The following PDGFD variants were observed in gnomAD, a reference collection of about 807,000 sequenced individuals.
The protein encoded by PDGFD is platelet derived growth factor D, also known as platelet-derived growth factor D.
In PDGFD, 30 loss-of-function variants were observed where a neutral mutation model predicts 44.7. The ratio of observed to expected loss-of-function variants is 0.67; its 90% confidence interval spans 0.50 to 0.91. PDGFD has a LOEUF of 0.91. Ranked by LOEUF, PDGFD falls within the 40% of genes least tolerant of loss-of-function variation. The probability of loss-of-function intolerance (pLI) is 0.00; values close to 1 mark genes in which losing one functional copy is unlikely to be tolerated. For synonymous variants in PDGFD, 173 were observed against 168.4 expected, an observed-to-expected ratio of 1.03 and a Z score of -0.21; for missense variants, 445 against 457.8, an observed-to-expected ratio of 0.97 and a Z score of 0.25.
rs964815491 is a variant in PDGFD at position 104,164,098 on chromosome 11, G to A, written c.-171C>T. ...AAACTTCCTGCATGCTGAACTTTCC[G>A]AGCGCGTGTGGGTGCCGCACTTCCT... is the stretch of plus-strand genomic sequence containing the variant. On this transcript the variant is annotated 5_prime_UTR_variant, in exon 1 of 7. Coordinates refer to ENST00000393158, the MANE Select transcript of PDGFD (RefSeq NM_025208.5). 51 of 583,514 alleles carry A rather than the reference G, an allele frequency of 8.7e-5. No individual in the cohort carries two copies. Among genetic ancestry groups the A allele is most frequent in the Admixed American group, 1.4e-4 (4 of 28,744 alleles). The allele number at this position is 583,514 out of a possible 1,614,324, so 36.1% of individuals were successfully genotyped here. A position where few individuals can be genotyped will look rare whatever the true frequency, so the allele number is the denominator to read the frequency against.
At chr11:104,125,155 T>C (rs1861824307) in intron 1 of PDGFD, among the ~76,000 whole-genome samples, 1 of 152,140 alleles carries the variant, frequency 6.6e-6, no homozygotes, top group Non-Finnish European at 1.5e-5. Context: ...AGTAATATGT[T>C]AGTAATGAGC....
At chr11:103,950,101 G>C (rs1036142983) in intron 3 of PDGFD, among the ~76,000 whole-genome samples, 1 of 152,168 alleles carries the variant, frequency 6.6e-6, no homozygotes, top group Non-Finnish European at 1.5e-5. Flanking sequence ...ATGTGACCTT[G>C]AGATATAGAT....
At position 103,965,429 on chromosome 11, in the gene PDGFD, T is replaced by A. The variant is rs75910761; in HGVS notation, c.511-17705A>T. Reference sequence around the variant, plus strand: ...CAAAAGTGGTCAGCCAGGTGCTGTATCTTTATTTTCAGCTGCCAAAGCTCT... The same window carrying A: ...CAAAAGTGGTCAGCCAGGTGCTGTAACTTTATTTTCAGCTGCCAAAGCTCT... On this transcript the variant is annotated intron_variant, in intron 3 of 6. Coordinates refer to ENST00000393158, the MANE Select transcript of PDGFD (RefSeq NM_025208.5). 4.7e-3 allele frequency among the ~76,000 whole-genome samples: 723 copies of A among 152,312 alleles called. 52 individuals are homozygous for A. The East Asian group carries it at 0.11, about 24-fold the overall frequency.
At position 103,909,626 on chromosome 11, in the gene PDGFD, G is replaced by C; in HGVS notation, c.*68C>G. On this transcript the variant is annotated 3_prime_UTR_variant, in exon 7 of 7. Coordinates refer to ENST00000393158, the MANE Select transcript of PDGFD (RefSeq NM_025208.5). ...TAAGTTTGGTTGCTGGTAGGAAAAG[G>C]GTCTCTTATCTCACCCTCCTTAAAC... The C allele has an allele frequency of 6.3e-7, 1 of 1,580,894 alleles. No homozygotes were observed. Among genetic ancestry groups the C allele is most frequent in the Non-Finnish European group, 8.7e-7 (1 of 1,152,884 alleles).
At chr11:103,925,716 C>T (rs372395372) in intron 6 of PDGFD, among the ~76,000 whole-genome samples, 22 of 122,776 alleles carry the variant, frequency 1.8e-4, no homozygotes, top group African/African-American at 6.1e-4. Flanking sequence ...CACACACACA[C>T]ATATATATAT....
At chr11:104,102,625 A>G (rs2134446425) in intron 1 of PDGFD, among the ~76,000 whole-genome samples, 1 of 152,334 alleles carries the variant, frequency 6.6e-6, no homozygotes, top group African/African-American at 2.4e-5. Flanking sequence ...AGACACATGC[A>G]CACGTATGTT....
At chr11:103,994,988 C>T (rs1244703022) in intron 3 of PDGFD, among the ~76,000 whole-genome samples, 1 of 151,694 alleles carries the variant, frequency 6.6e-6, no homozygotes, top group Non-Finnish European at 1.5e-5. Flanking sequence ...CAACAATTCT[C>T]CTGCCTCAGC....
Position 103,980,087 on chromosome 11 carries a change from T to C in PDGFD, c.510+15978A>G, listed in dbSNP as rs1000940424. On this transcript the variant is annotated intron_variant, in intron 3 of 6. Transcript: ENST00000393158. ...GGTTATCTCCTATGGCTAAATGAAA[T>C]AATTTTGTATTAGTTATTCATATTT... is the stretch of plus-strand genomic sequence containing the variant. Among the ~76,000 whole-genome samples, 5 of 152,254 alleles carry C rather than the reference T, an allele frequency of 3.3e-5. No individual in the cohort carries two copies. In the South Asian group the frequency reaches 8.3e-4, roughly 25 times the overall value.
At chr11:104,061,636 GTCTC>G (rs762025858) in intron 1 of PDGFD, among the ~76,000 whole-genome samples, 76 of 152,308 alleles carry the variant, frequency 5.0e-4, no homozygotes, top group Non-Finnish European at 5.7e-4. Context: ...CTTTGAGACA[GTCTC>G]TCTCTATTAT....
At chr11:103,995,252 T>C (rs1859517915) in intron 3 of PDGFD, among the ~76,000 whole-genome samples, 1 of 152,170 alleles carries the variant, frequency 6.6e-6, no homozygotes, top group Admixed American at 6.6e-5. Flanking sequence ...CCCTGTCTGT[T>C]CTGCTTACCT....
At chr11:104,037,391 A>G in intron 1 of PDGFD, 1 of 1,614,078 alleles carries the variant, frequency 6.2e-7, no homozygotes, top group South Asian at 1.1e-5. Flanking sequence ...CAAAGGGAAA[A>G]GGCCTTGAGA....
At chr11:104,110,332 G>T (rs1053313942) in intron 1 of PDGFD, among the ~76,000 whole-genome samples, 6 of 150,936 alleles carry the variant, frequency 4.0e-5, no homozygotes, top group African/African-American at 9.7e-5. Flanking sequence ...AAAGAATTGA[G>T]ATTTAAAAAA....
intron 1 of PDGFD, among the ~76,000 whole-genome samples, chr11:104,115,804 T>C (rs1236426119): frequency 1.3e-5 from 2 of 152,144 alleles, no homozygotes; most frequent in Non-Finnish European, 2.9e-5. Flanking sequence ...TGAGCATTTT[T>C]TCATTTGTTT....
chr11:104,089,048 G>A (rs1304341455), intron 1 of PDGFD, among the ~76,000 whole-genome samples: 3 of 152,158 alleles, frequency 2.0e-5, no homozygotes, highest in African/African-American at 7.2e-5. Context: ...TAATTAGAAA[G>A]TGATAAACAT....
chr11:103,934,516 A>G (rs1858456868), intron 5 of PDGFD, among the ~76,000 whole-genome samples: 1 of 152,190 alleles, frequency 6.6e-6, no homozygotes, highest in South Asian at 2.1e-4. Context: ...AGATAAAGAA[A>G]CACCCAAGAC....
intron 1 of PDGFD, among the ~76,000 whole-genome samples, chr11:104,089,065 C>T (rs1397218885): frequency 1.3e-5 from 2 of 152,098 alleles, no homozygotes; most frequent in East Asian, 1.9e-4. Context: ...ACATATGAAT[C>T]GTAAGTGGTA....
intron 1 of PDGFD, among the ~76,000 whole-genome samples, chr11:104,117,183 C>G (rs767481788): frequency 1.4e-4 from 21 of 151,928 alleles, no homozygotes; most frequent in Non-Finnish European, 2.1e-4. Flanking sequence ...ATCCACCATC[C>G]CTTTATGATT....
intron 5 of PDGFD, among the ~76,000 whole-genome samples, chr11:103,940,996 G>A (rs541278081): frequency 9.9e-5 from 15 of 152,086 alleles, no homozygotes; most frequent in African/African-American, 3.6e-4. Flanking sequence ...GGCTAACACT[G>A]GATTAGTAAT....
At chr11:104,106,940 T>G (rs1025034810) in intron 1 of PDGFD, among the ~76,000 whole-genome samples, 1 of 152,018 alleles carries the variant, frequency 6.6e-6, no homozygotes, top group Non-Finnish European at 1.5e-5. Flanking sequence ...GATGGGGGTT[T>G]CACCATGTTG....
Sources: gnomAD v4.1 joint callset for allele counts (sites outside exome capture counted in the v4.1 genomes callset) on GRCh38, gnomAD v4.1.1 for gene constraint, MANE v1.5 for transcripts, NCBI Gene and HGNC (gene_info 2026-07-23, HGNC 2026-07-21) for gene names.